The following CTIF variants were observed in gnomAD, a reference collection of about 807,000 sequenced individuals.
CTIF encodes the protein CBP80/20-dependent translation initiation factor.
A neutral mutation model predicts 66.0 loss-of-function variants in CTIF; 21 were observed. That is an observed-to-expected ratio of 0.32 (90% CI 0.23 to 0.46). The LOEUF is 0.46. Among genes scored for constraint, CTIF ranks in the 20% least tolerant of loss-of-function variants. The probability of loss-of-function intolerance (pLI) is 1.00; values close to 1 mark genes in which losing one functional copy is unlikely to be tolerated. For missense variants in CTIF, 739 were observed against 812.7 expected, an observed-to-expected ratio of 0.91 and a Z score of 1.10; for synonymous variants, 345 against 326.4, an observed-to-expected ratio of 1.06 and a Z score of -0.62.
chr18:48,682,317 T>C (rs116390198), intron 6 of CTIF, among the ~76,000 whole-genome samples: 1,680 of 152,268 alleles, frequency 0.011, 35 homozygotes, highest in African/African-American at 0.038. Flanking sequence ...GCGTATCTTA[T>C]TCACCTCTGC....
chr18:48,678,018 C>T (rs2091664127), intron 6 of CTIF, among the ~76,000 whole-genome samples: 1 of 152,150 alleles, frequency 6.6e-6, no homozygotes. Context: ...AATCACACAG[C>T]TGGGAGAAGG....
chr18:48,802,414 T>C (rs1023991572), intron 9 of CTIF, among the ~76,000 whole-genome samples: 3 of 152,194 alleles, frequency 2.0e-5, no homozygotes, highest in Non-Finnish European at 2.9e-5. Context: ...TCTGAGGACC[T>C]GGAGGGAAGT....
intron 1 of CTIF, among the ~76,000 whole-genome samples, chr18:48,561,597 C>T (rs572237856): frequency 3.3e-5 from 5 of 152,330 alleles, no homozygotes; most frequent in Admixed American, 3.3e-4. Flanking sequence ...CCCTGTGCCC[C>T]ACTTTCAGGA....
chr18:48,768,763 G>A (rs900727683), intron 9 of CTIF, among the ~76,000 whole-genome samples: 1 of 152,090 alleles, frequency 6.6e-6, no homozygotes. Flanking sequence ...AAATAGGCAG[G>A]TGTGGCAGCA....
At chr18:48,550,922 C>T (rs571089886) in intron 1 of CTIF, among the ~76,000 whole-genome samples, 2 of 152,174 alleles carry the variant, frequency 1.3e-5, no homozygotes, top group South Asian at 4.2e-4. Flanking sequence ...CTGCACAGTG[C>T]CCTGGACGAG....
At chr18:48,704,415 G>T (rs2092124620) in intron 6 of CTIF, among the ~76,000 whole-genome samples, 1 of 152,138 alleles carries the variant, frequency 6.6e-6, no homozygotes, top group Non-Finnish European at 1.5e-5. Flanking sequence ...AATATACTCA[G>T]AAAAATATCC....
chr18:48,573,960 G>A (rs1379579298), intron 1 of CTIF, among the ~76,000 whole-genome samples: 2 of 152,214 alleles, frequency 1.3e-5, no homozygotes, highest in Non-Finnish European at 2.9e-5. Context: ...GAAGGCAGTC[G>A]CATCCCCAGC....
At chr18:48,633,935 G>T (rs560909044) in intron 2 of CTIF, among the ~76,000 whole-genome samples, 1 of 152,056 alleles carries the variant, frequency 6.6e-6, no homozygotes, top group Non-Finnish European at 1.5e-5. Flanking sequence ...TCAGAAGCAG[G>T]AAATTAACAT....
At chr18:48,684,251 A>AT (rs1354594520) in intron 6 of CTIF, among the ~76,000 whole-genome samples, 4 of 152,242 alleles carry the variant, frequency 2.6e-5, no homozygotes, top group Non-Finnish European at 4.4e-5. Context: ...CCATCTACTC[A>AT]TTTTTTATCA....
chr18:48,817,102 A>G lies in CTIF; in HGVS notation c.1372-119A>G, dbSNP rs890356086. Reference sequence around the variant, plus strand: ...ACGCACCCCCATCCTCATTTAAAACATGGGGTTTGCCTGCTGCCCAGGAGC... The same window carrying G: ...ACGCACCCCCATCCTCATTTAAAACGTGGGGTTTGCCTGCTGCCCAGGAGC... On this transcript the variant is annotated intron_variant, in intron 9 of 11. Coordinates refer to ENST00000256413, the MANE Select transcript of CTIF (RefSeq NM_014772.3). 2.9e-5 allele frequency: 29 copies of G among 999,734 alleles called. 1 individual carries two copies. The highest frequency in any genetic ancestry group is 1.3e-4 in the East Asian group (5 of 38,362). 61.9% of individuals were successfully genotyped at this position (999,734 alleles called of 1,614,324 possible). A position where few individuals can be genotyped will look rare whatever the true frequency, so the allele number is the denominator to read the frequency against.
At chr18:48,621,097 G>C (rs914149527) in intron 2 of CTIF, among the ~76,000 whole-genome samples, 4 of 152,290 alleles carry the variant, frequency 2.6e-5, no homozygotes, top group Non-Finnish European at 5.9e-5. Flanking sequence ...CTTCTATTCT[G>C]TGCCAGGCAC....
intron 7 of CTIF, among the ~76,000 whole-genome samples, chr18:48,746,701 G>A (rs2092599528): frequency 6.6e-6 from 1 of 151,682 alleles, no homozygotes; most frequent in South Asian, 2.1e-4. Context: ...CAGAAACAGA[G>A]ACTTTGAAGG....
Position 48,730,850 on chromosome 18 carries a change from G to A in CTIF, c.584+19155G>A, listed in dbSNP as rs192049171. 6.1e-3 allele frequency among the ~76,000 whole-genome samples: 894 copies of A among 147,708 alleles called. 3 individuals carry two copies. The highest frequency in any genetic ancestry group is 0.036 in the Middle Eastern group (10 of 274). ...GGCTTCCGTGGTGTGAGGGACCCCC[G>A]CAGCATGAGGGGCCTCCCGCAGTGT... On this transcript the variant is annotated intron_variant, in intron 7 of 11. Coordinates refer to ENST00000256413, the MANE Select transcript of CTIF (RefSeq NM_014772.3).
At chr18:48,659,461 C>T (rs574942629) in intron 3 of CTIF, among the ~76,000 whole-genome samples, 5 of 152,302 alleles carry the variant, frequency 3.3e-5, no homozygotes, top group Middle Eastern at 3.4e-3. Flanking sequence ...TTCACAGCTC[C>T]GGGGGTGCTG....
intron 9 of CTIF, among the ~76,000 whole-genome samples, chr18:48,771,544 C>A (rs1050868370): frequency 6.6e-6 from 1 of 152,230 alleles, no homozygotes; most frequent in African/African-American, 2.4e-5. Context: ...CCCTTCCCTG[C>A]ATGCCCTCAC....
chr18:48,744,673 C>T (rs1487392960), intron 7 of CTIF, among the ~76,000 whole-genome samples: 3 of 152,114 alleles, frequency 2.0e-5, no homozygotes, highest in Non-Finnish European at 4.4e-5. Flanking sequence ...ATACAATTCT[C>T]AAAATCAGGA....
chr18:48,675,945 C>G (rs943369080), intron 6 of CTIF, among the ~76,000 whole-genome samples: 1 of 152,202 alleles, frequency 6.6e-6, no homozygotes, highest in African/African-American at 2.4e-5. Context: ...TTAACTTGAC[C>G]AAGTTCCATG....
chr18:48,782,914 T>C (rs1389966432), intron 9 of CTIF, among the ~76,000 whole-genome samples: 1 of 152,112 alleles, frequency 6.6e-6, no homozygotes, highest in Non-Finnish European at 1.5e-5. Flanking sequence ...GCCACCAGAC[T>C]CAGAGAGCCC....
At chr18:48,716,287 G>A (rs899677214) in intron 7 of CTIF, among the ~76,000 whole-genome samples, 4 of 152,222 alleles carry the variant, frequency 2.6e-5, no homozygotes, top group Non-Finnish European at 2.9e-5. Context: ...CAACCAGAAC[G>A]CTGTGCATGA....
Sources: allele counts gnomAD v4.1 joint callset (sites outside exome capture counted in the v4.1 genomes callset), GRCh38; gene constraint gnomAD v4.1.1; transcripts MANE v1.5; gene names NCBI Gene and HGNC (gene_info 2026-07-23, HGNC 2026-07-21).